Variants in USP37 observed in about 807,000 individuals in gnomAD.
USP37 encodes the protein ubiquitin carboxyl-terminal hydrolase 37.
In USP37, 27 loss-of-function variants were observed where a neutral mutation model predicts 124.0. The observed-to-expected ratio is 0.22, with a 90% CI of 0.16 to 0.30. The LOEUF (loss-of-function observed/expected upper bound fraction) is 0.30. Among genes scored for constraint, USP37 ranks in the 10% least tolerant of loss-of-function variants. The pLI is 1.00. For synonymous variants in USP37, 365 were observed against 388.0 expected (o/e 0.94, Z 0.70); for missense variants, 889 against 1,140.4 (o/e 0.78, Z 3.17).
chr2:218,533,404 G>A (rs557355445), intron 9 of USP37, among the ~76,000 whole-genome samples: 11 of 152,048 alleles, frequency 7.2e-5, no homozygotes, highest in Admixed American at 2.6e-4. Context: ...TTCTTCCACC[G>A]ATTAACTCTG....
intron 19 of USP37, among the ~76,000 whole-genome samples, chr2:218,475,799 G>A (rs750918427): frequency 2.0e-5 from 3 of 151,968 alleles, no homozygotes; most frequent in African/African-American, 7.2e-5. Context: ...TGTGGTGTAC[G>A]TCTGTAATCC....
intron 14 of USP37, among the ~76,000 whole-genome samples, chr2:218,491,191 T>C (rs1223539166): frequency 1.3e-5 from 2 of 152,082 alleles, no homozygotes; most frequent in Non-Finnish European, 2.9e-5. Flanking sequence ...GCCCTTTAAA[T>C]CTGGGTCTAG....
Position 218,455,699 on chromosome 2 carries a change from T to C in USP37, c.2733A>G (p.Val911=), listed in dbSNP as rs1419039994. The change falls in exon 25 of 26, where the codon GTA becomes GTG. Residue 911 remains valine (V), a synonymous_variant. Coordinates refer to ENST00000258399, the MANE Select transcript of USP37 (RefSeq NM_020935.3). ...TSSSGHYISD[V]YDIKKQAWFT... ...ACCACGCTTGCTTCTTAATGTCATA[T>C]ACATCACTAATGTAATGACCTGAAA... The C allele has an allele frequency of 1.2e-6, 2 of 1,613,442 alleles. No homozygotes were observed. Among genetic ancestry groups the C allele is most frequent in the African/African-American group, 1.3e-5 (1 of 74,888 alleles).
chr2:218,558,057 T>G (rs899129653), intron 4 of USP37, among the ~76,000 whole-genome samples: 5 of 151,930 alleles, frequency 3.3e-5, no homozygotes, highest in African/African-American at 1.2e-4. Context: ...CCTTGAATGA[T>G]TCACACCATG....
At chr2:218,524,096 T>C (rs1690816184) in intron 10 of USP37, among the ~76,000 whole-genome samples, 1 of 152,234 alleles carries the variant, frequency 6.6e-6, no homozygotes, top group South Asian at 2.1e-4. Flanking sequence ...TACTTTTGCA[T>C]TTCTGGGATA....
chr2:218,524,567 T>C (rs1408942992), intron 10 of USP37, among the ~76,000 whole-genome samples: 1 of 152,196 alleles, frequency 6.6e-6, no homozygotes, highest in African/African-American at 2.4e-5. Flanking sequence ...TGATAGAAAA[T>C]ATCAAGACGT....
chr2:218,555,120 G>A (rs1312380131), intron 4 of USP37, among the ~76,000 whole-genome samples: 7 of 152,098 alleles, frequency 4.6e-5, no homozygotes, highest in Non-Finnish European at 7.4e-5. Flanking sequence ...TTTTTCCAAG[G>A]CTAAATTAGT....
intron 4 of USP37, among the ~76,000 whole-genome samples, chr2:218,554,587 A>G (rs1692853621): frequency 6.6e-6 from 1 of 152,110 alleles, no homozygotes; most frequent in Non-Finnish European, 1.5e-5. Flanking sequence ...TCTCTACTAA[A>G]AAGACAAAAA....
chr2:218,499,533 A>G (rs1453862603), intron 11 of USP37, among the ~76,000 whole-genome samples: 1 of 152,208 alleles, frequency 6.6e-6, no homozygotes, highest in African/African-American at 2.4e-5. Context: ...GAGTACAATT[A>G]TCAGCATCAG....
At chr2:218,469,986 A>G (rs1029845919) in intron 20 of USP37, among the ~76,000 whole-genome samples, 8 of 151,630 alleles carry the variant, frequency 5.3e-5, no homozygotes, top group African/African-American at 1.9e-4. Flanking sequence ...ATGCCTGGCT[A>G]ATTTTTTGTA....
chr2:218,512,267 G>A (rs1270420635), intron 10 of USP37, among the ~76,000 whole-genome samples: 1 of 152,154 alleles, frequency 6.6e-6, no homozygotes, highest in Non-Finnish European at 1.5e-5. Context: ...AGCACTTTGG[G>A]AGGCCAACGG....
intron 20 of USP37, among the ~76,000 whole-genome samples, chr2:218,471,469 T>C (rs944846003): frequency 3.3e-5 from 5 of 152,212 alleles, no homozygotes; most frequent in Admixed American, 1.3e-4. Context: ...AGTGATCTCA[T>C]GTATTACTAT....
At chr2:218,503,226 A>T (rs1689484801) in intron 11 of USP37, among the ~76,000 whole-genome samples, 1 of 152,242 alleles carries the variant, frequency 6.6e-6, no homozygotes, top group Non-Finnish European at 1.5e-5. Flanking sequence ...ACACAAAAGA[A>T]GAGCACTTAA....
intron 4 of USP37, among the ~76,000 whole-genome samples, chr2:218,556,126 T>C (rs1203095801): frequency 5.3e-5 from 8 of 152,322 alleles, no homozygotes; most frequent in South Asian, 4.1e-4. Context: ...GCTTTCCTTA[T>C]GACAAACAAG....
Position 218,463,354 on chromosome 2 carries a change from G to C in USP37, c.2479C>G (p.Gln827Glu). The C allele has an allele frequency of 1.9e-6, 3 of 1,613,828 alleles. No homozygotes were observed. Among genetic ancestry groups the C allele is most frequent in the Non-Finnish European group, 2.5e-6 (3 of 1,179,954 alleles). The change falls in exon 22 of 26, where the codon CAG becomes GAG. Residue 827 changes from glutamine (Q) to glutamate (E), a missense_variant. By Grantham distance (29) the Gln-to-Glu change is conservative. This residue lies in a region of USP37 where 504 missense variants were observed against 714.3 expected (regional missense o/e 0.71). Transcript: ENST00000258399. The part of the protein sequence containing the change: ...QSLQEQEAWE[Q>E]KEDDDLKRAT... ...CTTTTGAGGTCATCATCTTCTTTCT[G>C]TTCCCAAGCCTCCTAAAGGGAAAAG...
intron 8 of USP37, among the ~76,000 whole-genome samples, chr2:218,539,396 T>C (rs577278099): frequency 3.3e-5 from 5 of 152,272 alleles, no homozygotes; most frequent in East Asian, 3.9e-4. Context: ...ATTCTTACCA[T>C]AGATCTTCGC....
chr2:218,457,866 T>C (rs1331080359), intron 23 of USP37, among the ~76,000 whole-genome samples: 2 of 151,558 alleles, frequency 1.3e-5, no homozygotes, highest in Non-Finnish European at 2.9e-5. Flanking sequence ...CCTAACACAG[T>C]GAAACCCTGT....
rs1001409914 is a variant in USP37 at position 218,562,796 on chromosome 2, C to T, written c.-212G>A. The stretch of plus-strand genomic sequence containing the variant: ...ATATTCTGCAGCTATGCCAGTTCTC[C>T]GGAAGCCATCAACTCAGCTAAAGAA... On this transcript the variant is annotated 5_prime_UTR_variant, in exon 2 of 26. Coordinates refer to ENST00000258399, the MANE Select transcript of USP37 (RefSeq NM_020935.3). The T allele has an allele frequency of 7.5e-6, 3 of 398,488 alleles. No homozygotes were observed. The highest frequency in any genetic ancestry group is 8.8e-6 in the Non-Finnish European group (2 of 226,052). The allele number at this position is 398,488 out of a possible 1,614,324, so 24.7% of individuals were successfully genotyped here.
intron 3 of USP37, among the ~76,000 whole-genome samples, chr2:218,560,216 T>G (rs1248968171): frequency 6.6e-6 from 1 of 152,230 alleles, no homozygotes; most frequent in Non-Finnish European, 1.5e-5. Flanking sequence ...TAAAGTGGAT[T>G]CTTGCTTATA....
Sources: gnomAD v4.1 joint callset for allele counts (sites outside exome capture counted in the v4.1 genomes callset) on GRCh38, gnomAD v4.1.1 for gene constraint, gnomAD v4.1.1 regional missense constraint, MANE v1.5 for transcripts, NCBI Gene and HGNC (gene_info 2026-07-23, HGNC 2026-07-21) for gene names.